BBS7: variants seen among roughly 807,000 people sequenced by gnomAD.
BBS7 encodes the protein Bardet-Biedl syndrome 7, also known as BBSome complex member BBS7.
BBS7 carries 50 observed loss-of-function variants against 90.3 expected under a neutral mutation model. The observed-to-expected ratio is 0.55, with a 90% confidence interval of 0.44 to 0.70. The LOEUF (loss-of-function observed/expected upper bound fraction) is 0.70, where lower values mean the gene tolerates loss of function less well. Ranked by LOEUF, BBS7 falls within the 30% of genes least tolerant of loss-of-function variation. The probability of loss-of-function intolerance (pLI) is 0.00; values close to 1 mark genes in which losing one functional copy is unlikely to be tolerated. For missense variants in BBS7, 729 were observed against 838.9 expected (o/e 0.87, Z 1.62); for synonymous variants, 235 against 287.4 (o/e 0.82, Z 1.85).
Position 121,845,544 on chromosome 4 carries a change from A to G in BBS7, c.1190T>C (p.Ile397Thr), listed in dbSNP as rs1725962975. ...LNKDDASYSL[I>T]LEVQTAIDNV... ...ATCTATTGCAGTCTGTACCTCTAAGATAAGGCTGTAACTGGCATCATCTTT... is the reference window on the plus strand; with the variant it reads ...ATCTATTGCAGTCTGTACCTCTAAGGTAAGGCTGTAACTGGCATCATCTTT... Residue 397 changes from isoleucine (I) to threonine (T), a missense_variant, in exon 11 of 19, where the codon ATC (isoleucine) becomes ACC (threonine). Ile to Thr is a moderately conservative substitution (Grantham distance 89). Transcript: ENST00000264499. 3 of 1,612,704 alleles carry G rather than the reference A, an allele frequency of 1.9e-6. No homozygotes were observed. The highest frequency in any genetic ancestry group is 2.5e-6 in the Non-Finnish European group (3 of 1,179,434).
At position 121,854,792 on chromosome 4, in the gene BBS7, C is replaced by T; in HGVS notation, c.630G>A (p.Gly210=). The change falls in exon 7 of 19, where the codon GGG becomes GGA. Residue 210 remains glycine (G), a synonymous_variant. Transcript: ENST00000264499. The stretch of plus-strand genomic sequence containing the variant: ...TAAGCGCAAGTTTTCCGTCTGATGT[C>T]CCAAACAAAAGGTCTTCTCCAGAGT... The part of the protein sequence containing the change: ...GGDSGEDLLF[G]TSDGKLALIQ... 6.2e-7 allele frequency: 1 copy of T among 1,612,450 alleles called. No individual in the cohort carries two copies. The highest frequency in any genetic ancestry group is 1.3e-5 in the African/African-American group (1 of 74,968).
At chr4:121,859,581 C>G (rs1341569501) in intron 4 of BBS7, among the ~76,000 whole-genome samples, 2 of 151,962 alleles carry the variant, frequency 1.3e-5, no homozygotes, top group South Asian at 2.1e-4. Flanking sequence ...AAATAAGGAC[C>G]ATTATTATTC....
chr4:121,862,767 A>C (rs1463306842), intron 3 of BBS7, among the ~76,000 whole-genome samples: 1 of 152,212 alleles, frequency 6.6e-6, no homozygotes, highest in African/African-American at 2.4e-5. Flanking sequence ...TGGTTTACAG[A>C]TGTTAATAAA....
At chr4:121,867,839 C>T in intron 2 of BBS7, 142 bp downstream of exon 2, 1 of 746,306 alleles carries the variant, frequency 1.3e-6, no homozygotes, top group Non-Finnish European at 2.3e-6. Context: ...CTTGGTATTC[C>T]AGTTTCTGTT....
intron 7 of BBS7, among the ~76,000 whole-genome samples, chr4:121,854,468 AATG>A (rs762270061): frequency 2.0e-4 from 30 of 152,146 alleles, no homozygotes; most frequent in Admixed American, 3.3e-4. Flanking sequence ...TTTAGCATAA[AATG>A]ATATTAGCCT....
At chr4:121,843,537 A>G (rs1725848766) in intron 12 of BBS7, among the ~76,000 whole-genome samples, 1 of 152,200 alleles carries the variant, frequency 6.6e-6, no homozygotes, top group Non-Finnish European at 1.5e-5. Context: ...CCAAAACTCT[A>G]AACTTTTTGA....
chr4:121,834,374 C>T (rs550479166), intron 14 of BBS7, among the ~76,000 whole-genome samples: 16 of 152,162 alleles, frequency 1.1e-4, no homozygotes, highest in Non-Finnish European at 1.8e-4. Flanking sequence ...AGAGTCTGTT[C>T]TCTTAAATGT....
intron 15 of BBS7, among the ~76,000 whole-genome samples, chr4:121,831,326 G>C (rs185799010): frequency 6.6e-6 from 1 of 151,924 alleles, no homozygotes; most frequent in Non-Finnish European, 1.5e-5. Context: ...GAGAATCAAA[G>C]AAGGCTTCAA....
chr4:121,854,930 T>C (rs942748318), intron 6 of BBS7, 110 bp from the exon 7 acceptor site: 2 of 1,058,022 alleles, frequency 1.9e-6, no homozygotes. Context: ...TATAAAAAGA[T>C]ATAAAACTTA....
chr4:121,836,231 T>C (rs1479495683), intron 13 of BBS7, among the ~76,000 whole-genome samples: 1 of 152,182 alleles, frequency 6.6e-6, no homozygotes, highest in Non-Finnish European at 1.5e-5. Flanking sequence ...CCTAGTTTAA[T>C]ATATCATTTC....
rs753884144 is a variant in BBS7, at chr4:121,825,962, A to G, written c.2046T>C (p.Phe682=). The G allele has an allele frequency of 1.2e-6, 2 of 1,605,854 alleles. No homozygotes were observed. The highest frequency in any genetic ancestry group is 4.5e-5 in the East Asian group (2 of 44,676). Residue 682 remains phenylalanine, a synonymous_variant, in exon 19 of 19, where the codon TTT becomes TTC. Transcript: ENST00000264499. ...TTTTTACATTGGTGCCTTTAAACTT[A>G]AATTTATCTATGAAAAGATCAGTGA... ...GMITDLFIDK[F]KFKGTNVKTK...
chr4:121,849,540 TAAGC>T (rs1334533270), intron 8 of BBS7, among the ~76,000 whole-genome samples: 1 of 151,832 alleles, frequency 6.6e-6, no homozygotes, highest in African/African-American at 2.4e-5. Context: ...AAAACTTACA[TAAGC>T]AAGGCTGGGC....
intron 11 of BBS7, among the ~76,000 whole-genome samples, chr4:121,844,841 A>C (rs530476718): frequency 3.3e-5 from 5 of 152,154 alleles, no homozygotes; most frequent in African/African-American, 1.2e-4. Context: ...GCTTTAAAAA[A>C]AAATGTTCTA....
chr4:121,855,615 G>C (rs998577119), intron 5 of BBS7, 54 bp from the exon 6 acceptor site: 3 of 1,427,926 alleles, frequency 2.1e-6, no homozygotes, highest in Non-Finnish European at 3.0e-6. Flanking sequence ...AAATAATAGA[G>C]GCATTCATGA....
At chr4:121,845,389 A>T in intron 11 of BBS7, 115 bp downstream of exon 11, 1 of 598,842 alleles carries the variant, frequency 1.7e-6, no homozygotes, top group South Asian at 3.5e-5. Context: ...AATAAAAATA[A>T]AAATAAAATA....
chr4:121,855,934 GTA>G (rs895907916), intron 5 of BBS7, among the ~76,000 whole-genome samples: 71 of 66,570 alleles, frequency 1.1e-3, no homozygotes, highest in African/African-American at 3.2e-3. Flanking sequence ...ATGTACATGT[GTA>G]TATGTATATG....
chr4:121,853,114 T>G, intron 7 of BBS7, 28 bp from the exon 8 acceptor site: 1 of 1,603,592 alleles, frequency 6.2e-7, no homozygotes, highest in Non-Finnish European at 8.5e-7. Flanking sequence ...TGATAAGTTA[T>G]TAAGAAGACT....
chr4:121,854,501 A>C (rs1335636493), intron 7 of BBS7, among the ~76,000 whole-genome samples: 3 of 152,364 alleles, frequency 2.0e-5, no homozygotes, highest in Non-Finnish European at 4.4e-5. Flanking sequence ...TATCAATACC[A>C]AATTACTATC....
intron 15 of BBS7, among the ~76,000 whole-genome samples, chr4:121,830,656 G>A (rs1452056912): frequency 6.6e-6 from 1 of 152,134 alleles, no homozygotes; most frequent in Non-Finnish European, 1.5e-5. Context: ...GAAGTTCAGA[G>A]AGTTAAGCAA....
Sources: allele counts gnomAD v4.1 joint callset (sites outside exome capture counted in the v4.1 genomes callset), GRCh38; gene constraint gnomAD v4.1.1; transcripts MANE v1.5; gene names NCBI Gene and HGNC (gene_info 2026-07-23, HGNC 2026-07-21).